Variants in SH3GL3 observed in about 807,000 individuals in gnomAD.
The protein encoded by SH3GL3 is endophilin-A3.
SH3GL3 carries 33 observed loss-of-function variants against 47.7 expected under a neutral mutation model. The ratio of observed to expected loss-of-function variants is 0.69; its 90% CI spans 0.52 to 0.92. SH3GL3 has a LOEUF of 0.92. Ranked by LOEUF, SH3GL3 falls within the 40% of genes least tolerant of loss-of-function variation. The probability of loss-of-function intolerance (pLI) is 0.00; values close to 1 mark genes in which losing one functional copy is unlikely to be tolerated. For missense variants in SH3GL3, 363 were observed against 417.8 expected, an observed-to-expected ratio of 0.87 and a Z score of 1.14; for synonymous variants, 155 against 148.8, an observed-to-expected ratio of 1.04 and a Z score of -0.30.
intron 8 of SH3GL3, among the ~76,000 whole-genome samples, chr15:83,610,560 GAAAGAA>G (rs1445653702): frequency 3.3e-5 from 5 of 151,996 alleles, no homozygotes; most frequent in African/African-American, 7.3e-5. Context: ...AAAGAGAAAA[GAAAGAA>G]AAAGAAAAAG....
intron 1 of SH3GL3, among the ~76,000 whole-genome samples, chr15:83,509,143 G>A (rs1484560376): frequency 1.3e-5 from 2 of 152,258 alleles, no homozygotes; most frequent in Non-Finnish European, 2.9e-5. Context: ...AAAAGTGAGA[G>A]CAGGGGAATT....
chr15:83,467,867 A>G lies in SH3GL3; in HGVS notation c.45+20289A>G, dbSNP rs2040639783. Among the ~76,000 whole-genome samples, 4 of 152,078 alleles carry G rather than the reference A, an allele frequency of 2.6e-5. No homozygotes were observed. The Middle Eastern group carries it at 0.014, about 517-fold the overall frequency. ...TTTTGAGACGGAGTCTCTCTCTGTC[A>G]CCCAGGCTAGAGTGCAGTGGCACAA... On this transcript the variant is annotated intron_variant, in intron 1 of 8. Coordinates refer to ENST00000427482, the MANE Select transcript of SH3GL3 (RefSeq NM_003027.5).
chr15:83,581,072 T>A lies in SH3GL3; in HGVS notation c.624+4331T>A, dbSNP rs528753480. ...AATCTCACCCTGGGGGAAGAGCTGG[T>A]GCCTTCTCCAGCCCTCATGTCTCAT... On this transcript the variant is annotated intron_variant, in intron 6 of 8. Coordinates refer to ENST00000427482, the MANE Select transcript of SH3GL3 (RefSeq NM_003027.5). 3.3e-5 allele frequency among the ~76,000 whole-genome samples: 5 copies of A among 152,318 alleles called. No individual in the cohort carries two copies. In the South Asian group the frequency reaches 1.0e-3, roughly 32 times the overall value.
chr15:83,489,835 GCCGATAGATAGATAGA>G (rs1567265720), intron 1 of SH3GL3, among the ~76,000 whole-genome samples: 1 of 137,452 alleles, frequency 7.3e-6, no homozygotes, highest in African/African-American at 2.8e-5. Context: ...ATTGTCAGAA[GCCGATAGATAGATAGA>G]TAGATAGATA....
intron 1 of SH3GL3, among the ~76,000 whole-genome samples, chr15:83,498,331 T>C (rs2042161351): frequency 6.6e-6 from 1 of 152,208 alleles, no homozygotes; most frequent in Non-Finnish European, 1.5e-5. Flanking sequence ...TGGGTGAGCC[T>C]GGGCAAGTAA....
chr15:83,495,497 G>A lies in SH3GL3; in HGVS notation c.45+47919G>A, dbSNP rs192753821. Among the ~76,000 whole-genome samples the A allele has an allele frequency of 3.7e-3, 559 of 152,326 alleles. 4 individuals carry two copies. Among genetic ancestry groups the A allele is most frequent in the African/African-American group, 0.011 (445 of 41,568 alleles). On this transcript the variant is annotated intron_variant, in intron 1 of 8. Transcript: ENST00000427482. ...TGCCTGTAATCTCAGCATTTTGGGAGGCTGAGGTGGGTGAATCACTTGAGG... is the reference window on the plus strand; with the variant it reads ...TGCCTGTAATCTCAGCATTTTGGGAAGCTGAGGTGGGTGAATCACTTGAGG...
At chr15:83,495,160 A>G (rs1046394268) in intron 1 of SH3GL3, among the ~76,000 whole-genome samples, 1 of 152,078 alleles carries the variant, frequency 6.6e-6, no homozygotes, top group African/African-American at 2.4e-5. Context: ...TGTGGTATAT[A>G]ATCCCACCCT....
intron 1 of SH3GL3, among the ~76,000 whole-genome samples, chr15:83,481,953 A>C (rs558056753): frequency 1.3e-5 from 2 of 152,312 alleles, no homozygotes; most frequent in Admixed American, 1.3e-4. Flanking sequence ...ATGGCACTAA[A>C]GAGGGGGGAG....
chr15:83,469,044 C>T (rs988864322), intron 1 of SH3GL3, among the ~76,000 whole-genome samples: 26 of 151,876 alleles, frequency 1.7e-4, no homozygotes, highest in African/African-American at 5.1e-4. Flanking sequence ...TGTTTTTTAT[C>T]GAGTGAGTTT....
intron 1 of SH3GL3, among the ~76,000 whole-genome samples, chr15:83,464,809 C>A (rs1310499339): frequency 6.6e-6 from 1 of 152,032 alleles, no homozygotes; most frequent in African/African-American, 2.4e-5. Flanking sequence ...AGCCTCCTAA[C>A]CAATTTCCAG....
At chr15:83,575,126 A>G (rs1349683845) in intron 5 of SH3GL3, among the ~76,000 whole-genome samples, 2 of 152,114 alleles carry the variant, frequency 1.3e-5, no homozygotes, top group African/African-American at 4.8e-5. Flanking sequence ...TTTGCAAATT[A>G]TTTTTGAATG....
chr15:83,591,812 A>C (rs1596320017), intron 8 of SH3GL3, among the ~76,000 whole-genome samples: 1 of 152,210 alleles, frequency 6.6e-6, no homozygotes, highest in Non-Finnish European at 1.5e-5. Context: ...CGGCCCCCCG[A>C]GTAGCTGAGA....
chr15:83,474,213 C>A (rs1042487203), intron 1 of SH3GL3, among the ~76,000 whole-genome samples: 1 of 152,156 alleles, frequency 6.6e-6, no homozygotes, highest in African/African-American at 2.4e-5. Context: ...TATCCCAAGT[C>A]CCTCAAACAC....
intron 1 of SH3GL3, among the ~76,000 whole-genome samples, chr15:83,497,141 T>C (rs980514534): frequency 1.3e-5 from 2 of 152,218 alleles, no homozygotes; most frequent in African/African-American, 4.8e-5. Flanking sequence ...GGCTTCAGCT[T>C]CAAGATAAGT....
At chr15:83,498,523 T>C (rs1467389437) in intron 1 of SH3GL3, among the ~76,000 whole-genome samples, 1 of 152,224 alleles carries the variant, frequency 6.6e-6, no homozygotes, top group Non-Finnish European at 1.5e-5. Flanking sequence ...CATTCAACGC[T>C]TCTGAGTATC....
intron 1 of SH3GL3, among the ~76,000 whole-genome samples, chr15:83,496,336 G>T (rs1459363890): frequency 7.0e-6 from 1 of 142,870 alleles, no homozygotes; most frequent in African/African-American, 2.6e-5. Context: ...TCCAGCCTGG[G>T]CAACAGAGTG....
chr15:83,522,177 C>T (rs1194022783), intron 1 of SH3GL3, among the ~76,000 whole-genome samples: 1 of 151,962 alleles, frequency 6.6e-6, no homozygotes, highest in East Asian at 1.9e-4. Context: ...ATGCAGTTTC[C>T]CAGGAGAGAA....
chr15:83,612,465 C>G (rs1002582211), intron 8 of SH3GL3, among the ~76,000 whole-genome samples: 14 of 152,234 alleles, frequency 9.2e-5, no homozygotes, highest in Non-Finnish European at 1.5e-5. Context: ...CCCCTCAGCA[C>G]TTCCTGCTGG....
chr15:83,564,973 A>G (rs990857546), intron 2 of SH3GL3, among the ~76,000 whole-genome samples, 161 bp from the exon 3 acceptor site: 1 of 152,240 alleles, frequency 6.6e-6, no homozygotes, highest in African/African-American at 2.4e-5. Context: ...GAAAGTGAGA[A>G]AATATCACCT....
Sources: allele counts gnomAD v4.1 joint callset (sites outside exome capture counted in the v4.1 genomes callset), GRCh38; gene constraint gnomAD v4.1.1; transcripts MANE v1.5; gene names NCBI Gene and HGNC (gene_info 2026-07-23, HGNC 2026-07-21).